The following MYO16 variants were observed in gnomAD, a reference collection of about 807,000 sequenced individuals.
MYO16 encodes the protein unconventional myosin-XVI.
A neutral mutation model predicts 205.3 loss-of-function variants in MYO16; 94 were observed. The observed-to-expected ratio is 0.46, with a 90% confidence interval of 0.39 to 0.54. MYO16 has a LOEUF of 0.54. Among genes scored for constraint, MYO16 ranks in the 20% least tolerant of loss-of-function variants. The probability of loss-of-function intolerance (pLI) is 0.00; values close to 1 mark genes in which losing one functional copy is unlikely to be tolerated. For missense variants in MYO16, 2,315 were observed against 2,387.5 expected (o/e 0.97, Z 0.63); for synonymous variants, 988 against 954.0 (o/e 1.04, Z -0.66).
intron 4 of MYO16, among the ~76,000 whole-genome samples, chr13:108,778,811 T>G (rs1278959614): frequency 6.6e-6 from 1 of 152,204 alleles, no homozygotes; most frequent in African/African-American, 2.4e-5. Flanking sequence ...GTCAGCAATA[T>G]GAACTCTCAA....
intron 6 of MYO16, among the ~76,000 whole-genome samples, chr13:108,805,925 A>AAAATAAATAAATAAATAAATGAAT (rs1555300624): frequency 2.2e-5 from 3 of 137,028 alleles, no homozygotes; most frequent in Non-Finnish European, 3.1e-5. Flanking sequence ...AGTCTCTACC[A>AAAATAAATAAATAAATAAATGAAT]AAATAAATAA....
intron 23 of MYO16, among the ~76,000 whole-genome samples, chr13:109,020,857 G>A (rs1198399780): frequency 6.6e-6 from 1 of 152,150 alleles, no homozygotes; most frequent in Non-Finnish European, 1.5e-5. Flanking sequence ...TGACAAAGAA[G>A]GAGCATTTGA....
At chr13:109,126,467 C>A (rs1876256544) in intron 30 of MYO16, among the ~76,000 whole-genome samples, 4 of 152,116 alleles carry the variant, frequency 2.6e-5, no homozygotes, top group Admixed American at 2.0e-4. Flanking sequence ...CACATGATTA[C>A]GTTGACATGC....
chr13:109,008,864 T>A, intron 21 of MYO16, 33 bp from the exon 22 acceptor site: 1 of 1,600,952 alleles, frequency 6.2e-7, no homozygotes, highest in South Asian at 1.1e-5. Context: ...CTGTACTATC[T>A]GGTGAAATGT....
At chr13:108,880,806 C>T (rs952523675) in intron 12 of MYO16, among the ~76,000 whole-genome samples, 19 of 152,060 alleles carry the variant, frequency 1.2e-4, no homozygotes, top group South Asian at 6.2e-4. Flanking sequence ...TGATGCCTCC[C>T]GCTTTGTTCT....
At chr13:108,809,921 C>G (rs1406215790) in intron 7 of MYO16, among the ~76,000 whole-genome samples, 1 of 152,112 alleles carries the variant, frequency 6.6e-6, no homozygotes, top group East Asian at 1.9e-4. Flanking sequence ...TATTGAGAAC[C>G]ATAAACATCT....
intron 4 of MYO16, among the ~76,000 whole-genome samples, chr13:108,763,157 G>A (rs529351721): frequency 2.6e-5 from 4 of 152,226 alleles, no homozygotes; most frequent in African/African-American, 7.2e-5. Flanking sequence ...CAGGAATGAC[G>A]CTTGCTCTTG....
chr13:108,890,104 A>ATTTTTTTTTTTTTTTT (rs60627565), intron 14 of MYO16, among the ~76,000 whole-genome samples: 2 of 94,888 alleles, frequency 2.1e-5, no homozygotes, highest in Non-Finnish European at 3.9e-5. Context: ...TAATTTTTGT[A>ATTTTTTTTTTTTTTTT]TTTTTTTTTT....
intron 20 of MYO16, among the ~76,000 whole-genome samples, chr13:108,985,385 G>T (rs1053154129): frequency 2.0e-5 from 3 of 152,118 alleles, no homozygotes; most frequent in African/African-American, 7.2e-5. Context: ...CACATAATTG[G>T]TTGAACACAA....
At chr13:108,650,430 T>G (rs1880947853) in intron 1 of MYO16, among the ~76,000 whole-genome samples, 1 of 152,218 alleles carries the variant, frequency 6.6e-6, no homozygotes, top group Admixed American at 6.5e-5. Flanking sequence ...TGAGACTGTC[T>G]GAGCACCAGA....
chr13:108,953,521 T>TA (rs1172030522), intron 16 of MYO16, among the ~76,000 whole-genome samples: 2 of 152,062 alleles, frequency 1.3e-5, no homozygotes, highest in Admixed American at 6.5e-5. Flanking sequence ...TTTTAATATA[T>TA]TTTTACTCTG....
chr13:109,055,702 C>G lies in MYO16; in HGVS notation c.3335+107C>G. On this transcript the variant is annotated intron_variant, in intron 27 of 34. Coordinates refer to ENST00000457511, the MANE Select transcript of MYO16 (RefSeq NM_001198950.3). This position sits in a 1 kb window ranked among gnomAD's most constrained non-coding sequence, Gnocchi z 5.0. ...TCTTCTGTTGTCTTTTTTGGCACTGCTTTTGTTGTTTACTTTTTTCTATCT... is the reference window on the plus strand; with the variant it reads ...TCTTCTGTTGTCTTTTTTGGCACTGGTTTTGTTGTTTACTTTTTTCTATCT... 1 of 979,200 alleles carries G rather than the reference C, an allele frequency of 1.0e-6. No individual in the cohort carries two copies. 60.7% of individuals were successfully genotyped at this position (979,200 alleles called of 1,614,324 possible).
chr13:108,610,258 C>A, intron 1 of MYO16, among the ~76,000 whole-genome samples: 1 of 152,118 alleles, frequency 6.6e-6, no homozygotes, highest in East Asian at 1.9e-4. Flanking sequence ...CCAGCACACA[C>A]ATAGTCAGAA....
At chr13:108,685,883 T>G (rs1882656923) in intron 2 of MYO16, among the ~76,000 whole-genome samples, 1 of 152,192 alleles carries the variant, frequency 6.6e-6, no homozygotes, top group African/African-American at 2.4e-5. Context: ...TCCTTATTTG[T>G]GAGGGCACCA....
intron 28 of MYO16, among the ~76,000 whole-genome samples, chr13:109,115,344 G>C (rs1159931298): frequency 2.0e-5 from 3 of 146,564 alleles, no homozygotes; most frequent in Non-Finnish European, 4.5e-5. Flanking sequence ...TTTAAAATCT[G>C]TCACCTAACA....
intron 29 of MYO16, among the ~76,000 whole-genome samples, chr13:109,123,464 GA>G (rs1437424159): frequency 1.3e-5 from 2 of 151,892 alleles, no homozygotes; most frequent in Non-Finnish European, 2.9e-5. Context: ...AGTGTAACAA[GA>G]AAGAACGAGT....
chr13:108,820,712 G>A (rs1449034954), intron 8 of MYO16, among the ~76,000 whole-genome samples: 1 of 151,996 alleles, frequency 6.6e-6, no homozygotes, highest in African/African-American at 2.4e-5. Context: ...TCAGTGTAAC[G>A]TACTTTAAAA....
intron 15 of MYO16, among the ~76,000 whole-genome samples, chr13:108,898,600 A>G (rs1273255587): frequency 1.3e-5 from 2 of 152,176 alleles, no homozygotes; most frequent in East Asian, 1.9e-4. Context: ...AGTATTATAT[A>G]TAATTTCTTC....
intron 4 of MYO16, among the ~76,000 whole-genome samples, chr13:108,757,002 A>G (rs900110796): frequency 1.3e-5 from 2 of 152,242 alleles, no homozygotes; most frequent in Admixed American, 6.5e-5. Context: ...TCTTTAAATC[A>G]CAATGAAGAT....
Sources: allele counts gnomAD v4.1 joint callset (sites outside exome capture counted in the v4.1 genomes callset), GRCh38; gene constraint gnomAD v4.1.1; non-coding constraint Gnocchi (gnomAD v3.1); transcripts MANE v1.5; gene names NCBI Gene and HGNC (gene_info 2026-07-23, HGNC 2026-07-21).